Variants in YWHAE observed in about 807,000 individuals in gnomAD.
YWHAE encodes tyrosine 3-monooxygenase/tryptophan 5-monooxygenase activation protein epsilon, also known as 14-3-3 protein epsilon.
In YWHAE, 4 loss-of-function variants were observed where a neutral mutation model predicts 30.1. That is an observed-to-expected ratio of 0.13 (90% CI 0.07 to 0.30). The LOEUF (loss-of-function observed/expected upper bound fraction) is 0.30, where lower values mean the gene tolerates loss of function less well. Ranked by LOEUF, YWHAE falls within the 10% of genes least tolerant of loss-of-function variation. The pLI, the probability that YWHAE is intolerant of heterozygous loss-of-function variation, is 1.00. For synonymous variants in YWHAE, 118 were observed against 111.8 expected (o/e 1.06, Z -0.35); for missense variants, 121 against 315.9 (o/e 0.38, Z 4.68).
chr17:1,384,533 T>C (rs952306283), intron 1 of YWHAE, among the ~76,000 whole-genome samples: 4 of 70,426 alleles, frequency 5.7e-5, no homozygotes, highest in African/African-American at 3.7e-4. Context: ...CTACTAAAAA[T>C]ACAAAAAAAA....
At chr17:1,383,695 A>G (rs551923190) in intron 1 of YWHAE, among the ~76,000 whole-genome samples, 139 of 152,148 alleles carry the variant, frequency 9.1e-4, no homozygotes, top group African/African-American at 3.0e-3. Context: ...GCCCTTGTTT[A>G]AACAATTTTT....
chr17:1,372,027 G>A (rs62087943), intron 1 of YWHAE, among the ~76,000 whole-genome samples: 57,672 of 151,836 alleles, frequency 0.38, 11,365 homozygotes, highest in Admixed American at 0.55. Flanking sequence ...TTTAGTACAG[G>A]CAGGGTTTCA....
At chr17:1,367,044 T>TAA (rs371655390) in intron 1 of YWHAE, among the ~76,000 whole-genome samples, 2 of 151,904 alleles carry the variant, frequency 1.3e-5, no homozygotes, top group African/African-American at 4.8e-5. Context: ...TTCGGGAATA[T>TAA]AAAAAAAATT....
intron 4 of YWHAE, among the ~76,000 whole-genome samples, chr17:1,360,583 GA>G (rs2072849047): frequency 6.6e-6 from 1 of 151,852 alleles, no homozygotes; most frequent in Non-Finnish European, 1.5e-5. Context: ...CCAAAATGGT[GA>G]AAACACCGTC....
intron 1 of YWHAE, among the ~76,000 whole-genome samples, chr17:1,365,441 CAAAT>C (rs897696034): frequency 2.6e-5 from 4 of 152,128 alleles, no homozygotes; most frequent in African/African-American, 9.7e-5. Context: ...TATTGTCTCA[CAAAT>C]AAATAGTATT....
intron 1 of YWHAE, among the ~76,000 whole-genome samples, chr17:1,397,879 C>T (rs1271643188): frequency 6.6e-6 from 1 of 152,060 alleles, no homozygotes; most frequent in Non-Finnish European, 1.5e-5. Flanking sequence ...ATTTCCTTAC[C>T]CCTTTAGATC....
intron 1 of YWHAE, among the ~76,000 whole-genome samples, chr17:1,394,772 G>A (rs1160503835): frequency 6.6e-6 from 1 of 151,870 alleles, no homozygotes; most frequent in African/African-American, 2.4e-5. Context: ...TCAGAGATCA[G>A]CCTGGCAAAC....
intron 1 of YWHAE, among the ~76,000 whole-genome samples, chr17:1,372,896 T>C (rs1348748374): frequency 6.6e-6 from 1 of 151,986 alleles, no homozygotes; most frequent in Non-Finnish European, 1.5e-5. Context: ...AAGGCTGCAG[T>C]GAGCATTCCT....
intron 1 of YWHAE, among the ~76,000 whole-genome samples, chr17:1,395,423 G>C (rs1032671772): frequency 1.3e-5 from 2 of 152,164 alleles, no homozygotes; most frequent in African/African-American, 4.8e-5. Flanking sequence ...CAGCTACTTG[G>C]GAGGCTGAGC....
At chr17:1,363,867 T>A (rs1461053610) in intron 2 of YWHAE, among the ~76,000 whole-genome samples, 1 of 147,344 alleles carries the variant, frequency 6.8e-6, no homozygotes, top group East Asian at 2.1e-4. Context: ...TCTACTAGAA[T>A]CGGTTACTCA....
intron 1 of YWHAE, among the ~76,000 whole-genome samples, chr17:1,381,550 G>A (rs1337775443): frequency 6.6e-6 from 1 of 151,874 alleles, no homozygotes; most frequent in Non-Finnish European, 1.5e-5. Flanking sequence ...AATAAAACAC[G>A]AAAGGCTCAA....
intron 5 of YWHAE, among the ~76,000 whole-genome samples, chr17:1,348,338 A>G (rs1435234330): frequency 6.6e-6 from 1 of 152,230 alleles, no homozygotes; most frequent in African/African-American, 2.4e-5. Flanking sequence ...TATATGAAAC[A>G]ATCCTCTTAC....
chr17:1,378,315 T>C (rs1295864870), intron 1 of YWHAE, among the ~76,000 whole-genome samples: 1 of 152,220 alleles, frequency 6.6e-6, no homozygotes, highest in Non-Finnish European at 1.5e-5. Flanking sequence ...TTTCAAATAA[T>C]CTGATTCAGC....
chr17:1,355,148 A>AAAAAAAAAAAAAAG (rs1555639303), intron 4 of YWHAE, among the ~76,000 whole-genome samples: 1 of 76,796 alleles, frequency 1.3e-5, no homozygotes, highest in Non-Finnish European at 2.7e-5. Context: ...AAAAAAAAAA[A>AAAAAAAAAAAAAAG]TTTTTTTTTT....
Position 1,399,993 on chromosome 17 carries a change from G to A in YWHAE, c.64+54C>T, listed in dbSNP as rs907111383. Reference sequence around the variant, plus strand: ...TTTGTCTCCTGTTCCCGGCCTCTGTGGGCGGCGGCAGAGGGTCCGAGAATT... The same window carrying A: ...TTTGTCTCCTGTTCCCGGCCTCTGTAGGCGGCGGCAGAGGGTCCGAGAATT... On this transcript the variant is annotated intron_variant, in intron 1 of 5. Transcript: ENST00000264335. The A allele has an allele frequency of 4.4e-6, 7 of 1,601,066 alleles. No individual in the cohort carries two copies. In the African/African-American group the frequency reaches 6.7e-5, roughly 15 times the overall value.
intron 1 of YWHAE, among the ~76,000 whole-genome samples, chr17:1,395,321 AG>A (rs1254405269): frequency 6.6e-6 from 1 of 152,154 alleles, no homozygotes; most frequent in Non-Finnish European, 1.5e-5. Flanking sequence ...TGAGATCAGG[AG>A]ATAAAGACCA....
intron 5 of YWHAE, among the ~76,000 whole-genome samples, chr17:1,349,295 T>C (rs1302212046): frequency 1.3e-5 from 2 of 152,142 alleles, no homozygotes; most frequent in East Asian, 1.9e-4. Context: ...TGAGCAGAGA[T>C]TGCGCCACTA....
chr17:1,353,822 G>A (rs1220655907), intron 5 of YWHAE, among the ~76,000 whole-genome samples: 3 of 150,890 alleles, frequency 2.0e-5, no homozygotes, highest in Non-Finnish European at 4.4e-5. Flanking sequence ...AATCCCAGAG[G>A]GAAATGGGAA....
chr17:1,376,391 AAAGAGAGAGAAAG>A (rs2073125092), intron 1 of YWHAE, among the ~76,000 whole-genome samples: 3 of 69,534 alleles, frequency 4.3e-5, no homozygotes, highest in Non-Finnish European at 9.7e-5. Context: ...AAAGAAAAAG[AAAGAGAGAGAAAG>A]AAAGAAAAGA....
Sources: allele counts gnomAD v4.1 joint callset (sites outside exome capture counted in the v4.1 genomes callset), GRCh38; gene constraint gnomAD v4.1.1; transcripts MANE v1.5; gene names NCBI Gene and HGNC (gene_info 2026-07-23, HGNC 2026-07-21).